The following MRPL40 variants were observed in gnomAD, a reference collection of about 807,000 sequenced individuals.
The protein encoded by MRPL40 is mitochondrial ribosomal protein L40, also known as large ribosomal subunit protein mL40.
In MRPL40, 18 loss-of-function variants were observed where a neutral mutation model predicts 24.5. The observed-to-expected ratio is 0.73, with a 90% confidence interval of 0.51 to 1.09. The LOEUF (loss-of-function observed/expected upper bound fraction) is 1.09, where lower values mean the gene tolerates loss of function less well. Among genes scored for constraint, MRPL40 ranks in the 50% least tolerant of loss-of-function variants. The probability of loss-of-function intolerance (pLI) is 0.00; values close to 1 mark genes in which losing one functional copy is unlikely to be tolerated. For missense variants in MRPL40, 256 were observed against 243.8 expected (o/e 1.05, Z -0.33); for synonymous variants, 108 against 94.6 (o/e 1.14, Z -0.82).
chr22:19,435,464 T>G (rs2089580967), intron 3 of MRPL40, among the ~76,000 whole-genome samples, 174 bp from the exon 4 acceptor site: 1 of 152,202 alleles, frequency 6.6e-6, no homozygotes, highest in Non-Finnish European at 1.5e-5. Flanking sequence ...CAAATGACCT[T>G]GGTTCCAAGC....
At chr22:19,433,954 G>A (rs1325782941) in intron 2 of MRPL40, among the ~76,000 whole-genome samples, 2 of 151,828 alleles carry the variant, frequency 1.3e-5, no homozygotes, top group East Asian at 1.9e-4. Context: ...GTAGAGACGG[G>A]GTTTCACCAT....
chr22:19,432,574 G>A lies in MRPL40; in HGVS notation c.20G>A (p.Arg7Gln). 6.4e-7 allele frequency: 1 copy of A among 1,553,174 alleles called. No homozygotes were observed. The highest frequency in any genetic ancestry group is 8.7e-7 in the Non-Finnish European group (1 of 1,149,904). Residue 7 changes from arginine to glutamine, a missense_variant, in exon 1 of 4, where the codon CGA becomes CAA. Arg to Gln is a conservative substitution (Grantham distance 43, BLOSUM62 1). Transcript: ENST00000333130. The stretch of plus-strand genomic sequence containing the variant: ...GTAGCCATGACGGCCTCCGTGCTGC[G>A]AAGTATCTCGCTAGCCCTGCGCCCG... MTASVL[R>Q]SISLALRPTS...
intron 3 of MRPL40, among the ~76,000 whole-genome samples, chr22:19,435,148 T>C (rs1485502463): frequency 6.6e-6 from 1 of 152,206 alleles, no homozygotes; most frequent in African/African-American, 2.4e-5. Context: ...GAGTTCATGT[T>C]GTTGCTGTCA....
Position 19,433,304 on chromosome 22 carries a change from C to A in MRPL40, c.93C>A (p.His31Gln). 6.2e-7 allele frequency: 1 copy of A among 1,613,142 alleles called. No homozygotes were observed. The highest frequency in any genetic ancestry group is 8.5e-7 in the Non-Finnish European group (1 of 1,179,206). The change falls in exon 2 of 4, where the codon CAC becomes CAA. Residue 31 changes from histidine (H) to glutamine (Q), a missense_variant. His to Gln is a conservative substitution (Grantham distance 24). Transcript: ENST00000333130. ...GTWQTQLRET[H>Q]QRASLLSFWE... The stretch of plus-strand genomic sequence containing the variant: ...GGCAGACGCAGCTTAGAGAGACTCA[C>A]CAGCGAGCGTCATTGTTGTCTTTCT...
chr22:19,435,359 A>G (rs1457402585), intron 3 of MRPL40, among the ~76,000 whole-genome samples: 1 of 152,234 alleles, frequency 6.6e-6, no homozygotes, highest in Non-Finnish European at 1.5e-5. Flanking sequence ...ATAAAGGGGC[A>G]GGTGTTAAAA....
At chr22:19,433,115 C>CG (rs2089558976) in intron 1 of MRPL40, 150 bp from the exon 2 acceptor site, 1 of 526,616 alleles carries the variant, frequency 1.9e-6, no homozygotes. Flanking sequence ...TTAGTAGAGA[C>CG]GGGGTTTCAC....
In MRPL40 at chr22:19,434,803, A is replaced by G. The variant is rs2089576364; in HGVS notation, c.205A>G (p.Lys69Glu). 1 of 1,612,598 alleles carries G rather than the reference A, an allele frequency of 6.2e-7. No individual in the cohort carries two copies. The highest frequency in any genetic ancestry group is 8.5e-7 in the Non-Finnish European group (1 of 1,179,630). ...AGACCAAGAAGCAAAGGAGCGCTTG[A>G]AAAGGAAGATCCGAAAACTGGAAAA... The part of the protein sequence containing the change: ...KKDQEAKERL[K>E]RKIRKLEKAT... The change falls in exon 3 of 4, where the codon AAA (lysine) becomes GAA (glutamate). Residue 69 changes from lysine (K) to glutamate (E), a missense_variant. Coordinates refer to ENST00000333130, the MANE Select transcript of MRPL40 (RefSeq NM_003776.4).
rs1569319772 is a variant in MRPL40 at position 19,434,792 on chromosome 22, A to T, written c.194A>T (p.Lys65Met). The T allele has an allele frequency of 6.2e-7, 1 of 1,612,190 alleles. No individual in the cohort carries two copies. Among genetic ancestry groups the T allele is most frequent in the Non-Finnish European group, 8.5e-7 (1 of 1,179,572 alleles). Residue 65 changes from lysine (K) to methionine (M), a missense_variant, in exon 3 of 4, where the codon AAG becomes ATG. Transcript: ENST00000333130. ...KVDPKKDQEA[K>M]ERLKRKIRKL... ...GATCCTAAAAAAGACCAAGAAGCAAAGGAGCGCTTGAAAAGGAAGATCCGA... is the reference window on the plus strand; with the variant it reads ...GATCCTAAAAAAGACCAAGAAGCAATGGAGCGCTTGAAAAGGAAGATCCGA...
chr22:19,433,229 G>A, intron 1 of MRPL40, 36 bp from the exon 2 acceptor site: 1 of 1,461,490 alleles, frequency 6.8e-7, no homozygotes, highest in Non-Finnish European at 9.6e-7. Flanking sequence ...CTAGCCTGGA[G>A]AAGCAGATAT....
intron 1 of MRPL40, chr22:19,433,034 G>C (rs1274794976): frequency 5.4e-6 from 3 of 558,120 alleles, no homozygotes; most frequent in Non-Finnish European, 8.7e-6. Flanking sequence ...GGTTCAAGCA[G>C]TTCTGCCCCG....
chr22:19,432,824 GA>G, intron 1 of MRPL40: 4 of 1,355,002 alleles, frequency 3.0e-6, no homozygotes, highest in Non-Finnish European at 3.8e-6. Flanking sequence ...GAAAGATTTT[GA>G]AAAACCTTCC....
Position 19,434,982 on chromosome 22 carries a change from T to C in MRPL40, c.296+88T>C, listed in dbSNP as rs1299287908. The C allele has an allele frequency of 5.1e-6, 6 of 1,180,046 alleles. No individual in the cohort carries two copies. In the African/African-American group the frequency reaches 6.1e-5, roughly 12 times the overall value. 73.1% of individuals were successfully genotyped at this position (1,180,046 alleles called of 1,614,324 possible). A position where few individuals can be genotyped will look rare whatever the true frequency, so the allele number is the denominator to read the frequency against. On this transcript the variant is annotated intron_variant, in intron 3 of 3. Coordinates refer to ENST00000333130, the MANE Select transcript of MRPL40 (RefSeq NM_003776.4). Reference sequence around the variant, plus strand: ...TTGTGTCTGTAGTTCACACCTGTGATAGTCATTGGTCAGTAGGCTTGAGCT... The same window carrying C: ...TTGTGTCTGTAGTTCACACCTGTGACAGTCATTGGTCAGTAGGCTTGAGCT...
At chr22:19,432,764 T>C (rs1173336413) in intron 1 of MRPL40, 157 bp downstream of exon 1, 4 of 1,391,964 alleles carry the variant, frequency 2.9e-6, no homozygotes, top group Non-Finnish European at 3.7e-6. Flanking sequence ...CATGAAAATC[T>C]GAGCACCCTG....
intron 2 of MRPL40, among the ~76,000 whole-genome samples, chr22:19,434,199 C>T (rs1002783352): frequency 3.3e-5 from 5 of 150,436 alleles, no homozygotes; most frequent in Admixed American, 6.7e-5. Flanking sequence ...ACCCTGATGC[C>T]TCTTGTTGCT....
intron 3 of MRPL40, 62 bp downstream of exon 3, chr22:19,434,956 G>A (rs1285750235): frequency 7.1e-7 from 1 of 1,400,908 alleles, no homozygotes; most frequent in Non-Finnish European, 9.7e-7. Context: ...ACTTCAGGTA[G>A]TTGTGTCTGT....
At chr22:19,433,370 G>A (rs1256043925) in intron 2 of MRPL40, 22 bp downstream of exon 2, 4 of 1,438,212 alleles carry the variant, frequency 2.8e-6, no homozygotes, top group Non-Finnish European at 3.9e-6. Context: ...TCGAGGGCCT[G>A]ACCTCTGGGG....
chr22:19,433,750 T>C (rs1214837906), intron 2 of MRPL40, among the ~76,000 whole-genome samples: 4 of 151,838 alleles, frequency 2.6e-5, no homozygotes, highest in East Asian at 1.9e-4. Context: ...TCAATCTTGA[T>C]AGTAAAGGAT....
Position 19,435,953 on chromosome 22 carries a change from T to G in MRPL40, c.612T>G (p.Phe204Leu), listed in dbSNP as rs549183622. ...CCAAGGTGTACACACAAGTGGAGTT[T>G]AAGAGATAGACTTGCAGGCTGCTAT... ...DITKVYTQVE[F>L]KR Residue 204 changes from phenylalanine to leucine, a missense_variant, in exon 4 of 4, where the codon TTT (phenylalanine) becomes TTG (leucine). Physicochemically the swap from Phe to Leu is conservative, Grantham distance 22. Transcript: ENST00000333130. The G allele has an allele frequency of 1.2e-5, 19 of 1,612,516 alleles. No homozygotes were observed. The East Asian group carries it at 4.2e-4, about 36-fold the overall frequency.
rs200319144 is a variant in MRPL40 at position 19,432,657 on chromosome 22, G to C, written c.53+50G>C. 2.6e-6 allele frequency: 4 copies of C among 1,518,122 alleles called. No individual in the cohort carries two copies. The East Asian group carries it at 7.7e-5, about 29-fold the overall frequency. 94.0% of individuals were successfully genotyped at this position (1,518,122 alleles called of 1,614,324 possible). A position where few individuals can be genotyped will look rare whatever the true frequency, so the allele number is the denominator to read the frequency against. On this transcript the variant is annotated intron_variant, in intron 1 of 3. Transcript: ENST00000333130. ...GCGGAGTGCCCAGGGCGCGTGCGGG[G>C]TCTTCGCGACTGTCCGCCAGGACTC...
Sources: allele counts gnomAD v4.1 joint callset (sites outside exome capture counted in the v4.1 genomes callset), GRCh38; gene constraint gnomAD v4.1.1; transcripts MANE v1.5; gene names NCBI Gene and HGNC (gene_info 2026-07-23, HGNC 2026-07-21).